Variants in GHR observed in about 807,000 individuals in gnomAD.
GHR encodes the protein GH receptor.
In GHR, 35 loss-of-function variants were observed where a neutral mutation model predicts 67.1. The ratio of observed to expected loss-of-function variants is 0.52; its 90% CI spans 0.40 to 0.69. The LOEUF (loss-of-function observed/expected upper bound fraction) is 0.69, where lower values mean the gene tolerates loss of function less well. GHR is among the 30% of genes least tolerant of loss of function. GHR has a pLI of 0.00. For missense variants in GHR, 792 were observed against 764.6 expected (o/e 1.04, Z -0.42); for synonymous variants, 272 against 269.1 (o/e 1.01, Z -0.10).
chr5:42,536,162 T>C (rs1000885717), intron 1 of GHR, among the ~76,000 whole-genome samples: 7 of 152,270 alleles, frequency 4.6e-5, no homozygotes, highest in Admixed American at 2.6e-4. Context: ...TATTTCTTTC[T>C]CTCATCTGAT....
intron 1 of GHR, among the ~76,000 whole-genome samples, chr5:42,474,325 G>GAAAGAAAGAA (rs1745187027): frequency 7.6e-6 from 1 of 132,300 alleles, no homozygotes; most frequent in South Asian, 2.6e-4. Flanking sequence ...AAGAAAGAAA[G>GAAAGAAAGAA]AAAGAAAGAA....
At chr5:42,584,726 C>A (rs1751378411) in intron 2 of GHR, among the ~76,000 whole-genome samples, 1 of 151,888 alleles carries the variant, frequency 6.6e-6, no homozygotes. Context: ...CTTAGTATTG[C>A]ATATCATTAT....
At chr5:42,544,095 G>A (rs1159660488) in intron 1 of GHR, among the ~76,000 whole-genome samples, 1 of 152,022 alleles carries the variant, frequency 6.6e-6, no homozygotes, top group Non-Finnish European at 1.5e-5. Context: ...AAGCCTAAAG[G>A]CAGCCTGGCA....
At chr5:42,453,349 CT>C (rs1451488062) in intron 1 of GHR, among the ~76,000 whole-genome samples, 1 of 152,124 alleles carries the variant, frequency 6.6e-6, no homozygotes, top group Non-Finnish European at 1.5e-5. Context: ...ATGATTCAGG[CT>C]TCAGGACAAT....
At chr5:42,588,551 A>AAAAAAAAAAAAAAAAAT (rs1751613744) in intron 2 of GHR, among the ~76,000 whole-genome samples, 1 of 141,940 alleles carries the variant, frequency 7.0e-6, no homozygotes, top group Non-Finnish European at 1.5e-5. Context: ...AAAAAAAAAA[A>AAAAAAAAAAAAAAAAAT]GTGACCTATA....
chr5:42,709,942 A>G (rs1218028464), intron 6 of GHR, among the ~76,000 whole-genome samples: 1 of 152,086 alleles, frequency 6.6e-6, no homozygotes, highest in African/African-American at 2.4e-5. Context: ...CACAACTTGA[A>G]TCACTGAGGG....
intron 1 of GHR, among the ~76,000 whole-genome samples, chr5:42,532,656 A>G (rs1748026620): frequency 6.6e-6 from 1 of 152,152 alleles, no homozygotes; most frequent in Non-Finnish European, 1.5e-5. Context: ...TGCTTGTTAC[A>G]TACATGAACA....
At chr5:42,647,133 T>C (rs1754772013) in intron 3 of GHR, among the ~76,000 whole-genome samples, 1 of 152,190 alleles carries the variant, frequency 6.6e-6, no homozygotes, top group Non-Finnish European at 1.5e-5. Context: ...GAAAATGGTA[T>C]AATTATAACA....
At chr5:42,468,739 C>G (rs1411797370) in intron 1 of GHR, 1 of 1,014,518 alleles carries the variant, frequency 9.9e-7, no homozygotes, top group Non-Finnish European at 1.5e-6. Context: ...GACGCCGCCC[C>G]CGCCAGCTTC....
chr5:42,432,237 A>G (rs1172684896), intron 1 of GHR, among the ~76,000 whole-genome samples: 1 of 152,224 alleles, frequency 6.6e-6, no homozygotes, highest in Admixed American at 6.5e-5. Context: ...TAAAAAATGC[A>G]CTTTATTTTA....
chr5:42,527,889 C>G (rs1747778992), intron 1 of GHR, among the ~76,000 whole-genome samples: 2 of 152,168 alleles, frequency 1.3e-5, no homozygotes, highest in Non-Finnish European at 2.9e-5. Flanking sequence ...TATGCTAAAT[C>G]TACTCTGTCT....
In GHR at chr5:42,720,577, T is replaced by G. The variant is rs1280020364; in HGVS notation, c.*1153T>G. The G allele has an allele frequency of 6.6e-6, 1 of 152,192 alleles. No individual in the cohort carries two copies. Among genetic ancestry groups the G allele is most frequent in the Non-Finnish European group, 1.5e-5 (1 of 68,028 alleles). The allele number at this position is 152,192 out of a possible 1,614,324, so 9.4% of individuals were successfully genotyped here. On this transcript the variant is annotated 3_prime_UTR_variant, in exon 10 of 10. Transcript: ENST00000230882. ...TAAGTTGAAGCAAATCGAATGAAAT[T>G]AACTGGGTAATGAAACAAAGAGTTC... is the stretch of plus-strand genomic sequence containing the variant.
chr5:42,530,561 G>A (rs1747919631), intron 1 of GHR, among the ~76,000 whole-genome samples: 1 of 152,114 alleles, frequency 6.6e-6, no homozygotes, highest in Non-Finnish European at 1.5e-5. Flanking sequence ...GACTATGTTA[G>A]AATTCAAAGA....
intron 2 of GHR, among the ~76,000 whole-genome samples, chr5:42,571,328 T>C (rs566699326): frequency 7.7e-4 from 118 of 152,314 alleles, no homozygotes; most frequent in African/African-American, 2.7e-3. Flanking sequence ...ATGGCTGTGG[T>C]ATGGCTCAGG....
chr5:42,532,235 T>G (rs908285516), intron 1 of GHR, among the ~76,000 whole-genome samples: 2 of 152,124 alleles, frequency 1.3e-5, no homozygotes, highest in African/African-American at 4.8e-5. Flanking sequence ...TGAAGGAACA[T>G]GGGGTTGAGA....
chr5:42,551,368 C>T (rs972434896), intron 1 of GHR, among the ~76,000 whole-genome samples: 99 of 152,166 alleles, frequency 6.5e-4, no homozygotes, highest in African/African-American at 2.2e-3. Flanking sequence ...GCTTCATGGA[C>T]GTGGTGATAT....
chr5:42,468,712 C>A (rs1744854417), intron 1 of GHR: 2 of 977,600 alleles, frequency 2.0e-6, no homozygotes, highest in Non-Finnish European at 3.3e-6. Flanking sequence ...GCCTGAGCTG[C>A]CGCTCTTGGC....
At chr5:42,477,526 A>G (rs538903582) in intron 1 of GHR, among the ~76,000 whole-genome samples, 2 of 152,282 alleles carry the variant, frequency 1.3e-5, no homozygotes, top group South Asian at 4.1e-4. Context: ...CTATTTCTCC[A>G]CATCCTCTCC....
At chr5:42,534,131 T>C (rs561717545) in intron 1 of GHR, among the ~76,000 whole-genome samples, 5 of 148,306 alleles carry the variant, frequency 3.4e-5, no homozygotes, top group African/African-American at 4.9e-5. Flanking sequence ...TGTATATATA[T>C]GTACATATGT....
Sources: gnomAD v4.1 joint callset for allele counts (sites outside exome capture counted in the v4.1 genomes callset) on GRCh38, gnomAD v4.1.1 for gene constraint, MANE v1.5 for transcripts, NCBI Gene and HGNC (gene_info 2026-07-23, HGNC 2026-07-21) for gene names.